The following PRELID2 variants were observed in gnomAD, a reference collection of about 807,000 sequenced individuals.
The protein encoded by PRELID2 is PRELI domain-containing protein 2.
Under a neutral mutation model 28.4 loss-of-function variants are expected in PRELID2, and 25 were observed. The ratio of observed to expected loss-of-function variants is 0.88; its 90% CI spans 0.64 to 1.23. PRELID2 has a LOEUF of 1.23. Ranked by LOEUF, PRELID2 falls within the 50% of genes most tolerant of loss-of-function variation. The probability of loss-of-function intolerance (pLI) is 0.00; values close to 1 mark genes in which losing one functional copy is unlikely to be tolerated. For synonymous variants in PRELID2, 76 were observed against 71.6 expected, an observed-to-expected ratio of 1.06 and a Z score of -0.31; for missense variants, 201 against 214.4, an observed-to-expected ratio of 0.94 and a Z score of 0.39.
intron 1 of PRELID2, among the ~76,000 whole-genome samples, chr5:145,683,019 G>A (rs973473952): frequency 6.6e-5 from 10 of 152,042 alleles, no homozygotes; most frequent in African/African-American, 9.7e-5. Flanking sequence ...CTCCAAAGGG[G>A]AAAAAAGACC....
chr5:145,352,490 A>T, the PRELID2 span, among the ~76,000 whole-genome samples: 3 of 152,134 alleles, frequency 2.0e-5, no homozygotes, highest in Non-Finnish European at 2.9e-5. Context: ...TAGAGAAGGA[A>T]GCCCCTGGGT....
the PRELID2 span, among the ~76,000 whole-genome samples, chr5:145,281,698 T>A: frequency 6.6e-6 from 1 of 152,214 alleles, no homozygotes; most frequent in Non-Finnish European, 1.5e-5. Flanking sequence ...CTTGTTTGTA[T>A]GTCCATTGCG....
chr5:145,418,590 AC>A, the PRELID2 span, among the ~76,000 whole-genome samples: 3 of 152,140 alleles, frequency 2.0e-5, no homozygotes, highest in Admixed American at 1.3e-4. Flanking sequence ...AATACTGCAC[AC>A]CTACAACCAT....
chr5:145,299,362 T>G, the PRELID2 span, among the ~76,000 whole-genome samples: 2 of 152,130 alleles, frequency 1.3e-5, no homozygotes, highest in Non-Finnish European at 2.9e-5. Flanking sequence ...AAGATCCACA[T>G]ATTGAGATCA....
the PRELID2 span, among the ~76,000 whole-genome samples, chr5:145,447,227 G>C: frequency 6.6e-6 from 1 of 151,774 alleles, no homozygotes; most frequent in Non-Finnish European, 1.5e-5. Context: ...TACCGCATGA[G>C]GTTGAAAGAT....
At chr5:145,554,685 T>G (rs1296404534) in intron 1 of PRELID2, among the ~76,000 whole-genome samples, 1 of 152,230 alleles carries the variant, frequency 6.6e-6, no homozygotes, top group Non-Finnish European at 1.5e-5. Context: ...ATGGATCTTT[T>G]ATAATCAGAA....
the PRELID2 span, among the ~76,000 whole-genome samples, chr5:145,385,573 A>C: frequency 1.3e-5 from 2 of 152,092 alleles, no homozygotes; most frequent in African/African-American, 2.4e-5. Context: ...TAACCATCAA[A>C]TTTTTGCAAC....
the PRELID2 span, among the ~76,000 whole-genome samples, chr5:145,419,681 G>A: frequency 1.3e-5 from 2 of 152,100 alleles, no homozygotes; most frequent in Non-Finnish European, 2.9e-5. Flanking sequence ...ATTGTAGGTT[G>A]CCTGTTCACT....
intron 1 of PRELID2, among the ~76,000 whole-genome samples, chr5:145,529,353 CAACT>C (rs1752636102): frequency 6.6e-6 from 1 of 152,126 alleles, no homozygotes; most frequent in Non-Finnish European, 1.5e-5. Context: ...ACTAAACAGA[CAACT>C]AACTCAGTCT....
intron 1 of PRELID2, among the ~76,000 whole-genome samples, chr5:145,547,538 A>T (rs1752798616): frequency 6.6e-6 from 1 of 152,228 alleles, no homozygotes; most frequent in Non-Finnish European, 1.5e-5. Context: ...CAAATAAAAA[A>T]GTATTTATTT....
intron 1 of PRELID2, among the ~76,000 whole-genome samples, chr5:145,745,365 A>G (rs1449491628): frequency 6.6e-6 from 1 of 152,178 alleles, no homozygotes; most frequent in Non-Finnish European, 1.5e-5. Flanking sequence ...AGAGAACACC[A>G]CTAAGATATT....
chr5:145,256,114 A>G, the PRELID2 span, among the ~76,000 whole-genome samples: 12,319 of 151,794 alleles, frequency 0.081, 1,160 homozygotes, highest in African/African-American at 0.22. Context: ...TGTCACCAAG[A>G]TAGTGTTATT....
chr5:145,775,372 G>T (rs563184703), intron 5 of PRELID2, among the ~76,000 whole-genome samples: 238 of 152,300 alleles, frequency 1.6e-3, no homozygotes, highest in African/African-American at 5.4e-3. Context: ...TGACATGTCA[G>T]CTTCGGCACA....
At chr5:145,633,563 A>T (rs1394674519) in intron 1 of PRELID2, among the ~76,000 whole-genome samples, 1 of 152,236 alleles carries the variant, frequency 6.6e-6, no homozygotes, top group Non-Finnish European at 1.5e-5. Context: ...ATGATCCTAC[A>T]GGACTGCTCC....
chr5:145,711,551 C>T lies in PRELID2; in HGVS notation n.70+53380G>A, dbSNP rs576202476. 2.0e-5 allele frequency among the ~76,000 whole-genome samples: 3 copies of T among 152,328 alleles called. No homozygotes were observed. In the South Asian group the frequency reaches 6.2e-4, roughly 32 times the overall value. On this transcript the variant is annotated intron_variant and non_coding_transcript_variant, in intron 1 of 2. Coordinates refer to the PRELID2 transcript ENST00000510259. Reference sequence around the variant, plus strand: ...ACAAATCTGCAGCCACCTGCCAAGTCTCTCCCACAGACCTTCACTGGGTGC... The same window carrying T: ...ACAAATCTGCAGCCACCTGCCAAGTTTCTCCCACAGACCTTCACTGGGTGC...
chr5:145,733,699 C>A (rs564915225), intron 1 of PRELID2, among the ~76,000 whole-genome samples: 3 of 152,302 alleles, frequency 2.0e-5, no homozygotes, highest in Non-Finnish European at 4.4e-5. Context: ...CTTAATGAGT[C>A]TTTCAAAAGC....
chr5:145,545,878 C>T (rs1752782261), intron 1 of PRELID2, among the ~76,000 whole-genome samples: 1 of 151,954 alleles, frequency 6.6e-6, no homozygotes, highest in Non-Finnish European at 1.5e-5. Flanking sequence ...TTTCCTTTTC[C>T]TTAAAGTTGT....
the PRELID2 span, among the ~76,000 whole-genome samples, chr5:145,340,456 C>A: frequency 2.0e-5 from 3 of 152,118 alleles, no homozygotes; most frequent in East Asian, 3.9e-4. Flanking sequence ...CCCATGCAAG[C>A]CACCTGAAGG....
Position 145,650,586 on chromosome 5 carries a change from AT to A in PRELID2, n.70+114344del, listed in dbSNP as rs541890998. On this transcript the variant is annotated intron_variant and non_coding_transcript_variant, in intron 1 of 2. Coordinates refer to the PRELID2 transcript ENST00000510259. ...TATATATATATATATAGACTAAAAT[AT>A]TTTTTTTAATTTGGTTAAAATCTAT... is the stretch of plus-strand genomic sequence containing the variant. 3.6e-3 allele frequency among the ~76,000 whole-genome samples: 477 copies of A among 131,074 alleles called. 4 individuals are homozygous for A. Among genetic ancestry groups the A allele is most frequent in the Middle Eastern group, 0.017 (4 of 238 alleles). The allele number at this position is 131,074 out of a possible 152,430, so 86.0% of individuals were successfully genotyped here. A position where few individuals can be genotyped will look rare whatever the true frequency, so the allele number is the denominator to read the frequency against.
Sources: allele counts gnomAD v4.1 joint callset (sites outside exome capture counted in the v4.1 genomes callset), GRCh38; gene constraint gnomAD v4.1.1; transcripts MANE v1.5; gene names NCBI Gene and HGNC (gene_info 2026-07-23, HGNC 2026-07-21).